The following CACNA1C variants were observed in gnomAD, a reference collection of about 807,000 sequenced individuals.
CACNA1C encodes calcium voltage-gated channel subunit alpha1 C.
In CACNA1C, 30 loss-of-function variants were observed where a neutral mutation model predicts 229.0. The ratio of observed to expected loss-of-function variants is 0.13; its 90% confidence interval spans 0.10 to 0.18. The LOEUF (loss-of-function observed/expected upper bound fraction) is 0.18, where lower values mean the gene tolerates loss of function less well. Among genes scored for constraint, CACNA1C ranks in the 10% least tolerant of loss-of-function variants. CACNA1C has a pLI of 1.00. For synonymous variants in CACNA1C, 1,114 were observed against 1,132.5 expected, an observed-to-expected ratio of 0.98 and a Z score of 0.33; for missense variants, 1,658 against 2,845.0, an observed-to-expected ratio of 0.58 and a Z score of 9.49.
chr12:2,016,602 G>A (rs898459669), intron 1 of CACNA1C, among the ~76,000 whole-genome samples: 4 of 152,038 alleles, frequency 2.6e-5, no homozygotes, highest in African/African-American at 9.7e-5. Flanking sequence ...CTAATTTTTT[G>A]TATTTTTAGT....
intron 3 of CACNA1C, among the ~76,000 whole-genome samples, chr12:2,138,988 C>T (rs2093852729): frequency 1.3e-5 from 2 of 150,478 alleles, no homozygotes; most frequent in South Asian, 4.2e-4. Context: ...CACATTTAGC[C>T]TCCTGCTTAC....
intron 3 of CACNA1C, among the ~76,000 whole-genome samples, chr12:2,446,388 A>ATGGGTGGATGGATAGGTGGG (rs1278891865): frequency 8.0e-6 from 1 of 125,672 alleles, no homozygotes; most frequent in Non-Finnish European, 1.6e-5. Context: ...GGATGGATGG[A>ATGGGTGGATGGATAGGTGGG]TGGGTGGATG....
Position 2,486,154 on chromosome 12 carries a change from C to A in CACNA1C, c.808C>A (p.His270Asn). ...CATCAAGGCCATGGTCCCCCTGCTGCACATCGCCCTGCTTGTGCTGTTTGT... is the reference window on the plus strand; with the variant it reads ...CATCAAGGCCATGGTCCCCCTGCTGAACATCGCCCTGCTTGTGCTGTTTGT... ...SIIKAMVPLLHIALLVLFVII... is the reference protein window; with the variant it reads ...SIIKAMVPLLNIALLVLFVII... The change falls in exon 6 of 47, where the codon CAC (histidine) becomes AAC (asparagine). Residue 270 changes from histidine to asparagine, a missense_variant. By Grantham distance (68) the His-to-Asn change is moderately conservative. Around this residue, in one of 20 missense-constraint regions of CACNA1C, gnomAD observed 7 missense variants for 72.4 expected, o/e 0.10. Transcript: ENST00000399655. This position sits in a 1 kb window ranked among gnomAD's most constrained non-coding sequence, Gnocchi z 4.9. 1 of 1,613,146 alleles carries A rather than the reference C, an allele frequency of 6.2e-7. No individual in the cohort carries two copies. The highest frequency in any genetic ancestry group is 8.5e-7 in the Non-Finnish European group (1 of 1,179,390).
rs1451260431 is a variant in CACNA1C, at chr12:2,115,296, A to T, written c.122A>T (p.Glu41Val). The change falls in exon 2 of 47, where the codon GAG becomes GTG. Residue 41 changes from glutamate to valine, a missense_variant. By Grantham distance (121) the Glu-to-Val change is moderately radical. Coordinates refer to ENST00000399655, the MANE Select transcript of CACNA1C (RefSeq NM_000719.7). ...NANAAAGLAP[E>V]HIPTPGAALS... ...AATGCGGCAGCGGGGCTGGCCCCTGAGCACATCCCCACCCCGGGGGCTGCC... is the reference window on the plus strand; with the variant it reads ...AATGCGGCAGCGGGGCTGGCCCCTGTGCACATCCCCACCCCGGGGGCTGCC... The T allele has an allele frequency of 1.9e-6, 3 of 1,593,820 alleles. No individual in the cohort carries two copies. In the African/African-American group the frequency reaches 4.0e-5, roughly 21 times the overall value.
At chr12:2,525,489 T>C (rs1568222049) in intron 9 of CACNA1C, among the ~76,000 whole-genome samples, 1 of 152,090 alleles carries the variant, frequency 6.6e-6, no homozygotes, top group East Asian at 1.9e-4. Flanking sequence ...TTCCTGGGAG[T>C]TGGTTTGTCC....
intron 3 of CACNA1C, among the ~76,000 whole-genome samples, chr12:2,138,613 C>T (rs987448676): frequency 1.3e-5 from 2 of 150,892 alleles, no homozygotes; most frequent in East Asian, 1.9e-4. Flanking sequence ...ACGCTTCCTG[C>T]CCATCGGAGG....
intron 9 of CACNA1C, among the ~76,000 whole-genome samples, chr12:2,545,414 T>A (rs575525884): frequency 6.6e-6 from 1 of 152,098 alleles, no homozygotes; most frequent in South Asian, 2.1e-4. Context: ...GCCATTATGC[T>A]CCTCATCTTC....
chr12:2,062,022 A>T (rs900821752), intron 1 of CACNA1C, among the ~76,000 whole-genome samples: 2 of 152,238 alleles, frequency 1.3e-5, no homozygotes, highest in African/African-American at 4.8e-5. Flanking sequence ...TAGTTTCCCA[A>T]AGCAAAAATA....
chr12:2,515,233 C>A lies in CACNA1C; in HGVS notation c.1390+2249C>A, dbSNP rs573930925. ...ATGTAGAGAGTAAGATAGACACATG[C>A]AATGAAGTGGAACGTGAGAGACAGG... On this transcript the variant is annotated intron_variant, in intron 9 of 46. Transcript: ENST00000399655. Among the ~76,000 whole-genome samples the A allele has an allele frequency of 8.5e-5, 13 of 152,242 alleles. No individual in the cohort carries two copies. The East Asian group carries it at 2.1e-3, about 25-fold the overall frequency.
In CACNA1C at chr12:2,595,894, G is replaced by A. The variant is rs786205755; in HGVS notation, c.2684G>A (p.Arg895His). ...TACAGGTTTCGCCTCCAGTGCCACC[G>A]CATTGTCAATGACACGATCTTCACC... ...SNNRFRLQCH[R>H]IVNDTIFTNL... is the part of the protein sequence containing the mutation. The change falls in exon 20 of 47, where the codon CGC (arginine) becomes CAC (histidine). Residue 895 changes from arginine (R) to histidine (H), a missense_variant. Around this residue, in one of 20 missense-constraint regions of CACNA1C, gnomAD observed 52 missense variants for 99.0 expected, o/e 0.53. Transcript: ENST00000399655. This position sits in a 1 kb window ranked among gnomAD's most constrained non-coding sequence, Gnocchi z 4.1. 6.2e-6 allele frequency: 10 copies of A among 1,613,244 alleles called. No individual in the cohort carries two copies. The highest frequency in any genetic ancestry group is 1.6e-4 in the Middle Eastern group (1 of 6,062).
chr12:2,079,245 G>A (rs7973423), intron 1 of CACNA1C, among the ~76,000 whole-genome samples: 115,640 of 151,966 alleles, frequency 0.76, 44,379 homozygotes, highest in Middle Eastern at 0.83. Context: ...AAACCTGCAC[G>A]TTGTGCACAT....
intron 13 of CACNA1C, among the ~76,000 whole-genome samples, chr12:2,571,424 G>T (rs778585130): frequency 1.3e-5 from 2 of 152,062 alleles, no homozygotes; most frequent in Non-Finnish European, 2.9e-5. Context: ...AGTTTTCAAT[G>T]CCTCTTAAAT....
chr12:2,144,096 A>C (rs1337450743), intron 3 of CACNA1C, among the ~76,000 whole-genome samples: 2 of 151,410 alleles, frequency 1.3e-5, no homozygotes, highest in African/African-American at 4.8e-5. Flanking sequence ...GGCACACAGG[A>C]GGACTAATCA....
chr12:2,095,259 C>T (rs1282237125), intron 1 of CACNA1C, among the ~76,000 whole-genome samples: 1 of 152,190 alleles, frequency 6.6e-6, no homozygotes, highest in Non-Finnish European at 1.5e-5. Context: ...TCTTCATAGA[C>T]CAGAAGCAGG....
intron 7 of CACNA1C, among the ~76,000 whole-genome samples, chr12:2,503,885 G>A (rs547823243): frequency 1.3e-5 from 2 of 152,320 alleles, no homozygotes; most frequent in East Asian, 3.9e-4. Flanking sequence ...CCCGCAGTAC[G>A]TGTGAAGCAC....
intron 9 of CACNA1C, among the ~76,000 whole-genome samples, chr12:2,532,827 CG>C (rs1308543415): frequency 6.6e-6 from 1 of 152,198 alleles, no homozygotes; most frequent in African/African-American, 2.4e-5. Context: ...CCCAGGCAGT[CG>C]GGCCCAGGTG....
chr12:2,609,580 G>A (rs985146816), intron 27 of CACNA1C, among the ~76,000 whole-genome samples: 5 of 149,292 alleles, frequency 3.3e-5, no homozygotes, highest in East Asian at 2.0e-4. Flanking sequence ...TCTAGTATCC[G>A]GTTAATGATG....
At chr12:2,472,496 A>G (rs1004731065) in intron 5 of CACNA1C, among the ~76,000 whole-genome samples, 1 of 151,774 alleles carries the variant, frequency 6.6e-6, no homozygotes, top group African/African-American at 2.4e-5. Flanking sequence ...AATTCTCTAT[A>G]TTTCTCCCTT....
chr12:2,457,924 G>GA (rs2099449231), intron 5 of CACNA1C, among the ~76,000 whole-genome samples: 1 of 152,210 alleles, frequency 6.6e-6, no homozygotes, highest in Admixed American at 6.5e-5. Flanking sequence ...AACTCCTGGA[G>GA]AAAGTTCACA....
Sources: allele counts gnomAD v4.1 joint callset (sites outside exome capture counted in the v4.1 genomes callset), GRCh38; gene constraint gnomAD v4.1.1; regional missense constraint gnomAD v4.1.1; non-coding constraint Gnocchi (gnomAD v3.1); transcripts MANE v1.5; gene names NCBI Gene and HGNC (gene_info 2026-07-23, HGNC 2026-07-21).